The following PCSK5 variants were observed in gnomAD, a reference collection of about 807,000 sequenced individuals.
PCSK5 encodes proprotein convertase subtilisin/kexin type 5.
Under a neutral mutation model 233.2 loss-of-function variants are expected in PCSK5, and 129 were observed. That is an observed-to-expected ratio of 0.55 (90% CI 0.48 to 0.64). The LOEUF (loss-of-function observed/expected upper bound fraction) is 0.64. PCSK5 is among the 30% of genes least tolerant of loss of function. The pLI is 0.00. For synonymous variants in PCSK5, 825 were observed against 879.2 expected (o/e 0.94, Z 1.09); for missense variants, 2,076 against 2,430.1 (o/e 0.85, Z 3.06).
At chr9:76,067,635 C>T (rs191967421) in intron 5 of PCSK5, among the ~76,000 whole-genome samples, 60 of 152,282 alleles carry the variant, frequency 3.9e-4, no homozygotes, top group Admixed American at 8.5e-4. Context: ...TCTGGTAGCA[C>T]ATATATCCAG....
intron 2 of PCSK5, among the ~76,000 whole-genome samples, chr9:75,952,221 A>G (rs1234630573): frequency 6.6e-6 from 1 of 152,158 alleles, no homozygotes; most frequent in Non-Finnish European, 1.5e-5. Context: ...ATATTTGTTT[A>G]TGCTTTTTCT....
intron 34 of PCSK5, among the ~76,000 whole-genome samples, chr9:76,335,402 T>G (rs547155604): frequency 1.8e-4 from 27 of 152,338 alleles, no homozygotes; most frequent in Admixed American, 3.3e-4. Context: ...GTAAAATCAG[T>G]GTTCCACATG....
chr9:76,264,090 G>A (rs975520876), intron 24 of PCSK5, among the ~76,000 whole-genome samples: 10 of 152,090 alleles, frequency 6.6e-5, no homozygotes, highest in African/African-American at 2.4e-4. Context: ...AAACAGCATG[G>A]TATTTGTACA....
intron 24 of PCSK5, among the ~76,000 whole-genome samples, chr9:76,291,328 T>C (rs1828270154): frequency 6.6e-6 from 1 of 152,192 alleles, no homozygotes; most frequent in South Asian, 2.1e-4. Flanking sequence ...GTTCAAATGA[T>C]ATAGTTTTAT....
At chr9:76,212,414 T>C (rs1044494772) in intron 20 of PCSK5, among the ~76,000 whole-genome samples, 2 of 152,206 alleles carry the variant, frequency 1.3e-5, no homozygotes, top group Admixed American at 1.3e-4. Flanking sequence ...AGTTGTGTGT[T>C]AGAGAAAGAA....
At chr9:76,162,005 T>C (rs1248228868) in intron 12 of PCSK5, among the ~76,000 whole-genome samples, 1 of 152,126 alleles carries the variant, frequency 6.6e-6, no homozygotes, top group African/African-American at 2.4e-5. Context: ...TTATCCTCCA[T>C]CTCAGTCCTG....
intron 24 of PCSK5, among the ~76,000 whole-genome samples, chr9:76,284,279 C>A (rs1457064255): frequency 6.6e-6 from 1 of 152,120 alleles, no homozygotes; most frequent in East Asian, 1.9e-4. Flanking sequence ...CTCCCATAAT[C>A]CCCACATGTC....
chr9:76,245,904 A>ATAAAG (rs1236630801), intron 24 of PCSK5, among the ~76,000 whole-genome samples: 1 of 152,190 alleles, frequency 6.6e-6, no homozygotes, highest in Non-Finnish European at 1.5e-5. Context: ...CAGATATAAA[A>ATAAAG]TAAAGCAGAC....
intron 10 of PCSK5, among the ~76,000 whole-genome samples, chr9:76,144,913 G>A (rs1052671788): frequency 6.6e-6 from 1 of 152,110 alleles, no homozygotes; most frequent in Non-Finnish European, 1.5e-5. Context: ...GGATCACGAG[G>A]TCAGAAGTTC....
At position 75,989,643 on chromosome 9, in the gene PCSK5, G is replaced by A. The variant is rs141826856; in HGVS notation, c.411+3398G>A. Among the ~76,000 whole-genome samples the A allele has an allele frequency of 3.9e-3, 589 of 152,278 alleles. 8 individuals are homozygous for A. Among genetic ancestry groups the A allele is most frequent in the African/African-American group, 0.013 (556 of 41,558 alleles). ...GTGAGAGCGGGAAGCTAGACTTCAA[G>A]GTGGCCCAGTCACAAGGCTGGCACA... On this transcript the variant is annotated intron_variant, in intron 3 of 37. Transcript: ENST00000674117.
intron 35 of PCSK5, among the ~76,000 whole-genome samples, chr9:76,345,954 A>G (rs1419871985): frequency 1.3e-5 from 2 of 151,764 alleles, no homozygotes; most frequent in Non-Finnish European, 2.9e-5. Flanking sequence ...TCCTGGTCTC[A>G]AGTGATCAGT....
chr9:76,158,917 T>A (rs529647962), intron 11 of PCSK5, 66 bp from the exon 12 acceptor site: 1 of 1,342,582 alleles, frequency 7.4e-7, no homozygotes, highest in South Asian at 1.3e-5. Flanking sequence ...ATTCCATGCC[T>A]CCAGGTTCAC....
intron 32 of PCSK5, among the ~76,000 whole-genome samples, chr9:76,325,428 T>C (rs1829331576): frequency 6.6e-6 from 1 of 152,224 alleles, no homozygotes; most frequent in South Asian, 2.1e-4. Flanking sequence ...AAACCACAGA[T>C]GCCTGCACCC....
At chr9:76,197,008 T>C (rs1318977810) in intron 20 of PCSK5, among the ~76,000 whole-genome samples, 3 of 152,108 alleles carry the variant, frequency 2.0e-5, no homozygotes, top group African/African-American at 7.2e-5. Context: ...CTAAAGCAGG[T>C]AGAGCTAGAA....
At chr9:75,999,006 G>C (rs533332931) in intron 3 of PCSK5, among the ~76,000 whole-genome samples, 2 of 151,962 alleles carry the variant, frequency 1.3e-5, no homozygotes, top group Admixed American at 6.6e-5. Flanking sequence ...TTTGAGTCAG[G>C]CTCCAAATAA....
intron 5 of PCSK5, among the ~76,000 whole-genome samples, chr9:76,039,867 G>A (rs780180151): frequency 6.6e-6 from 1 of 152,090 alleles, no homozygotes; most frequent in Non-Finnish European, 1.5e-5. Context: ...AGTTCAGCAG[G>A]GTCATTATGT....
chr9:76,196,866 CATA>C (rs1210555459), intron 20 of PCSK5, among the ~76,000 whole-genome samples: 5 of 152,142 alleles, frequency 3.3e-5, no homozygotes, highest in African/African-American at 7.2e-5. Context: ...TATCCAGATT[CATA>C]ATAATAATAC....
intron 20 of PCSK5, among the ~76,000 whole-genome samples, chr9:76,226,042 A>G (rs1040147703): frequency 4.6e-5 from 7 of 152,176 alleles, no homozygotes; most frequent in African/African-American, 1.2e-4. Context: ...AGTAAGAATC[A>G]CAGTCCCATT....
chr9:75,891,079 C>T lies in PCSK5; in HGVS notation c.-103C>T. The T allele has an allele frequency of 1.8e-6, 2 of 1,133,116 alleles. No homozygotes were observed. Among genetic ancestry groups the T allele is most frequent in the Non-Finnish European group, 2.3e-6 (2 of 866,430 alleles). 70.2% of individuals were successfully genotyped at this position (1,133,116 alleles called of 1,614,324 possible). A position where few individuals can be genotyped will look rare whatever the true frequency, so the allele number is the denominator to read the frequency against. On this transcript the variant is annotated 5_prime_UTR_variant, in exon 1 of 38. Transcript: ENST00000674117. ...GCCCGGGGCTGCGAGCTGCGGCGGC[C>T]CGGGGCTGCTCGCCGGGCGGCGCAG...
Sources: gnomAD v4.1 joint callset for allele counts (sites outside exome capture counted in the v4.1 genomes callset) on GRCh38, gnomAD v4.1.1 for gene constraint, MANE v1.5 for transcripts, NCBI Gene and HGNC (gene_info 2026-07-23, HGNC 2026-07-21) for gene names.